NUP93: variants seen among roughly 807,000 people sequenced by gnomAD.
The protein encoded by NUP93 is nucleoporin 93, also known as nuclear pore complex protein Nup93.
A neutral mutation model predicts 107.8 loss-of-function variants in NUP93; 55 were observed. The observed-to-expected ratio is 0.51, with a 90% confidence interval of 0.41 to 0.64. NUP93 has a LOEUF of 0.64. Among genes scored for constraint, NUP93 ranks in the 30% least tolerant of loss-of-function variants. The probability of loss-of-function intolerance (pLI) is 0.00; values close to 1 mark genes in which losing one functional copy is unlikely to be tolerated. For missense variants in NUP93, 937 were observed against 1,044.7 expected, an observed-to-expected ratio of 0.90 and a Z score of 1.42; for synonymous variants, 390 against 397.5, an observed-to-expected ratio of 0.98 and a Z score of 0.22.
chr16:56,755,938 A>T (rs933838117), intron 2 of NUP93, among the ~76,000 whole-genome samples: 4 of 152,136 alleles, frequency 2.6e-5, no homozygotes, highest in Non-Finnish European at 4.4e-5. Flanking sequence ...AGCTGGGTGC[A>T]GTGGCAAGCA....
chr16:56,842,716 C>T (rs1279466520), intron 21 of NUP93: 4 of 402,630 alleles, frequency 9.9e-6, no homozygotes, highest in South Asian at 3.7e-5. Context: ...CCACACCCAG[C>T]GGAGTTTTGT....
At chr16:56,805,953 C>G (rs1339116832) in intron 5 of NUP93, among the ~76,000 whole-genome samples, 1 of 151,584 alleles carries the variant, frequency 6.6e-6, no homozygotes, top group East Asian at 1.9e-4. Flanking sequence ...GCTTTAAATA[C>G]CTATCATCTA....
intron 3 of NUP93, among the ~76,000 whole-genome samples, chr16:56,777,546 A>G (rs546863737): frequency 6.6e-6 from 1 of 152,308 alleles, no homozygotes; most frequent in South Asian, 2.1e-4. Context: ...TTCCTCACTT[A>G]AAATAATATT....
At chr16:56,742,452 A>T (rs1162787986) in intron 1 of NUP93, among the ~76,000 whole-genome samples, 1 of 152,136 alleles carries the variant, frequency 6.6e-6, no homozygotes, top group African/African-American at 2.4e-5. Context: ...ATTATATGAA[A>T]CTCAAATTTT....
intron 3 of NUP93, among the ~76,000 whole-genome samples, chr16:56,781,212 C>T (rs1962508190): frequency 6.6e-6 from 1 of 152,150 alleles, no homozygotes; most frequent in African/African-American, 2.4e-5. Context: ...AAAAGGTCTG[C>T]ATTTTCCTGT....
At chr16:56,740,170 A>C (rs1307101484) in intron 1 of NUP93, among the ~76,000 whole-genome samples, 2 of 136,334 alleles carry the variant, frequency 1.5e-5, no homozygotes, top group Admixed American at 7.2e-5. Flanking sequence ...CCGGGCGGAG[A>C]CGCTCCTCAC....
In NUP93 at chr16:56,750,327, G is replaced by C. The variant is rs868034749; in HGVS notation, c.179+1901G>C. Reference sequence around the variant, plus strand: ...TTGATAGGCAGAGACATAAAGTGTGGTGTGAATATTTTAGTACATACAAGA... The same window carrying C: ...TTGATAGGCAGAGACATAAAGTGTGCTGTGAATATTTTAGTACATACAAGA... On this transcript the variant is annotated intron_variant, in intron 2 of 21. Coordinates refer to ENST00000308159, the MANE Select transcript of NUP93 (RefSeq NM_014669.5). Among the ~76,000 whole-genome samples the C allele has an allele frequency of 5.9e-5, 9 of 152,168 alleles. No individual in the cohort carries two copies. The South Asian group carries it at 1.9e-3, about 32-fold the overall frequency.
At chr16:56,759,237 A>G (rs1052876307) in intron 3 of NUP93, among the ~76,000 whole-genome samples, 1 of 152,240 alleles carries the variant, frequency 6.6e-6, no homozygotes, top group Non-Finnish European at 1.5e-5. Context: ...TAAAATTGTT[A>G]AGGAAAAAAC....
intron 13 of NUP93, 152 bp from the exon 14 acceptor site, chr16:56,833,976 A>T: frequency 3.0e-6 from 3 of 1,014,756 alleles, no homozygotes; most frequent in Non-Finnish European, 4.3e-6. Flanking sequence ...ATAGGATGGT[A>T]AAAGGGACTG....
chr16:56,793,765 C>T (rs1023925212), intron 3 of NUP93, among the ~76,000 whole-genome samples: 1 of 152,116 alleles, frequency 6.6e-6, no homozygotes, highest in African/African-American at 2.4e-5. Context: ...CTAGATGGCA[C>T]ACAGATCCCA....
At chr16:56,811,982 T>C (rs558156578) in intron 5 of NUP93, among the ~76,000 whole-genome samples, 2 of 152,208 alleles carry the variant, frequency 1.3e-5, no homozygotes, top group South Asian at 2.1e-4. Context: ...TAAAGTATTG[T>C]TAGGAATCAA....
chr16:56,808,675 T>A (rs1963236109), intron 5 of NUP93, among the ~76,000 whole-genome samples: 1 of 132,976 alleles, frequency 7.5e-6, no homozygotes, highest in Admixed American at 7.8e-5. Context: ...TATAAATATA[T>A]AAAATACATA....
chr16:56,745,600 T>C (rs1366707094), intron 1 of NUP93, among the ~76,000 whole-genome samples: 1 of 152,158 alleles, frequency 6.6e-6, no homozygotes, highest in African/African-American at 2.4e-5. Flanking sequence ...GGATATATTT[T>C]GAAGGTAGAT....
chr16:56,738,056 T>C (rs1201514604), intron 1 of NUP93, among the ~76,000 whole-genome samples: 2 of 152,246 alleles, frequency 1.3e-5, no homozygotes, highest in Non-Finnish European at 2.9e-5. Flanking sequence ...GTAGAGATAA[T>C]TTCCATCACC....
intron 20 of NUP93, among the ~76,000 whole-genome samples, chr16:56,841,342 G>A (rs1964020725): frequency 6.9e-6 from 1 of 145,978 alleles, no homozygotes; most frequent in South Asian, 2.3e-4. Flanking sequence ...AGTAGCGTGT[G>A]CACCTGTACC....
intron 1 of NUP93, among the ~76,000 whole-genome samples, chr16:56,746,556 C>T (rs764096114): frequency 1.3e-5 from 2 of 152,240 alleles, no homozygotes; most frequent in Admixed American, 6.5e-5. Context: ...TTTATGTTTA[C>T]TCCAGCTGAG....
intron 1 of NUP93, among the ~76,000 whole-genome samples, chr16:56,740,143 C>A (rs1217388824): frequency 6.6e-4 from 95 of 142,982 alleles, no homozygotes; most frequent in East Asian, 1.8e-3. Flanking sequence ...CCACCTCCCT[C>A]CCGGACGGGG....
At chr16:56,804,100 C>A (rs1345428708) in intron 4 of NUP93, among the ~76,000 whole-genome samples, 1 of 152,116 alleles carries the variant, frequency 6.6e-6, no homozygotes, top group African/African-American at 2.4e-5. Flanking sequence ...AAATTGAAAC[C>A]CTTGTGCACT....
At chr16:56,814,386 C>T (rs545666021) in intron 5 of NUP93, among the ~76,000 whole-genome samples, 47 of 152,196 alleles carry the variant, frequency 3.1e-4, no homozygotes, top group Non-Finnish European at 5.1e-4. Flanking sequence ...GACGGGGTTT[C>T]GCCATGTCAC....
Sources: gnomAD v4.1 joint callset for allele counts (sites outside exome capture counted in the v4.1 genomes callset) on GRCh38, gnomAD v4.1.1 for gene constraint, MANE v1.5 for transcripts, NCBI Gene and HGNC (gene_info 2026-07-23, HGNC 2026-07-21) for gene names.